The following TENM3 variants were observed in gnomAD, a reference collection of about 807,000 sequenced individuals.
TENM3 encodes the protein teneurin-3.
TENM3 carries 63 observed loss-of-function variants against 255.1 expected under a neutral mutation model. The observed-to-expected ratio is 0.25, with a 90% CI of 0.20 to 0.30. TENM3 has a LOEUF of 0.30. Among genes scored for constraint, TENM3 ranks in the 10% least tolerant of loss-of-function variants. TENM3 has a pLI of 1.00. For synonymous variants in TENM3, 1,306 were observed against 1,322.3 expected (o/e 0.99, Z 0.27); for missense variants, 2,929 against 3,461.1 (o/e 0.85, Z 3.86).
At chr4:181,645,296 C>T in the TENM3 span, among the ~76,000 whole-genome samples, 2 of 152,148 alleles carry the variant, frequency 1.3e-5, no homozygotes, top group East Asian at 1.9e-4. Flanking sequence ...GCTATCAGCC[C>T]GTTTCCCAGG....
At chr4:182,666,949 TA>T (rs1754745199) in intron 6 of TENM3, among the ~76,000 whole-genome samples, 1 of 152,060 alleles carries the variant, frequency 6.6e-6, no homozygotes, top group Non-Finnish European at 1.5e-5. Flanking sequence ...GACTGCAGTA[TA>T]GTGTAAACAT....
chr4:181,466,050 T>C, the TENM3 span, among the ~76,000 whole-genome samples: 1 of 152,080 alleles, frequency 6.6e-6, no homozygotes, highest in Non-Finnish European at 1.5e-5. Context: ...TTGGAATTCT[T>C]GACATCCACC....
the TENM3 span, among the ~76,000 whole-genome samples, chr4:181,860,346 G>A: frequency 6.6e-6 from 1 of 152,124 alleles, no homozygotes. Flanking sequence ...GAAGAGTAAA[G>A]CCAGACAGTA....
chr4:182,062,836 G>T, the TENM3 span, among the ~76,000 whole-genome samples: 1 of 152,202 alleles, frequency 6.6e-6, no homozygotes, highest in Non-Finnish European at 1.5e-5. Flanking sequence ...AAATTTGATT[G>T]TTAAACAGAC....
At chr4:182,010,139 C>T in the TENM3 span, among the ~76,000 whole-genome samples, 2 of 152,196 alleles carry the variant, frequency 1.3e-5, no homozygotes, top group African/African-American at 4.8e-5. Flanking sequence ...TTCTAGTCGG[C>T]CATCTTGGCC....
chr4:181,535,975 T>C, the TENM3 span, among the ~76,000 whole-genome samples: 2 of 152,162 alleles, frequency 1.3e-5, no homozygotes, highest in South Asian at 4.1e-4. Flanking sequence ...TTTAGCCACA[T>C]TTCCCTAATA....
At chr4:182,412,278 T>A (rs1004210117) in intron 3 of TENM3, among the ~76,000 whole-genome samples, 3 of 151,964 alleles carry the variant, frequency 2.0e-5, no homozygotes, top group Non-Finnish European at 4.4e-5. Context: ...AGCTTCAAGG[T>A]GCCAATACAA....
At chr4:181,732,498 G>T in the TENM3 span, among the ~76,000 whole-genome samples, 1 of 152,104 alleles carries the variant, frequency 6.6e-6, no homozygotes, top group African/African-American at 2.4e-5. Context: ...GGCCTAAGCA[G>T]CCATTATAAT....
rs545351769 is a variant in TENM3 at position 182,432,936 on chromosome 4, C to T, written c.511+86007C>T. Among the ~76,000 whole-genome samples the T allele has an allele frequency of 2.7e-5, 4 of 150,704 alleles. No homozygotes were observed. The South Asian group carries it at 8.5e-4, about 32-fold the overall frequency. On this transcript the variant is annotated intron_variant, in intron 3 of 27. Coordinates refer to ENST00000511685, the MANE Select transcript of TENM3 (RefSeq NM_001080477.4). ...TCCTGACCTCAGGTGATCTGCCTGC[C>T]TTGGCATCCCAAAGTGCTGGGATTA...
At chr4:181,916,326 T>G in the TENM3 span, among the ~76,000 whole-genome samples, 1 of 152,186 alleles carries the variant, frequency 6.6e-6, no homozygotes, top group Non-Finnish European at 1.5e-5. Context: ...CATTACTTGT[T>G]TAATGCCCAT....
rs72698076 is a variant in TENM3 at position 182,317,890 on chromosome 4, T to G, written c.-75-6056T>G. Among the ~76,000 whole-genome samples, 610 of 152,330 alleles carry G rather than the reference T, an allele frequency of 4.0e-3. 3 individuals are homozygous for G. Among genetic ancestry groups the G allele is most frequent in the Non-Finnish European group, 7.1e-3 (483 of 68,026 alleles). On this transcript the variant is annotated intron_variant, in intron 1 of 27. Coordinates refer to ENST00000511685, the MANE Select transcript of TENM3 (RefSeq NM_001080477.4). ...TTGAAATTCTTATGGTATGCAAAGTTGTATTTACTGTTCAATTGATATAAC... is the reference window on the plus strand; with the variant it reads ...TTGAAATTCTTATGGTATGCAAAGTGGTATTTACTGTTCAATTGATATAAC...
rs764502329 is a variant in TENM3, at chr4:182,754,619, A to G, written c.4252A>G (p.Ile1418Val). 5.2e-5 allele frequency: 84 copies of G among 1,613,908 alleles called. No homozygotes were observed. The highest frequency in any genetic ancestry group is 6.9e-5 in the Non-Finnish European group (81 of 1,179,900). ...IAVSYSGVLY[I>V]TETDEKKINR... ...TGTGTCCTACAGTGGGGTCCTGTACATTACTGAAACTGATGAGAAGAAAAT... is the reference window on the plus strand; with the variant it reads ...TGTGTCCTACAGTGGGGTCCTGTACGTTACTGAAACTGATGAGAAGAAAAT... Residue 1418 changes from isoleucine (I) to valine (V), a missense_variant, in exon 22 of 28, where the codon ATT (isoleucine) becomes GTT (valine). Ile to Val is a conservative substitution (Grantham distance 29). Transcript: ENST00000511685. This position sits in a 1 kb window ranked among gnomAD's most constrained non-coding sequence, Gnocchi z 5.1.
intron 12 of TENM3, among the ~76,000 whole-genome samples, chr4:182,692,698 T>C (rs1437925322): frequency 6.6e-6 from 1 of 152,234 alleles, no homozygotes; most frequent in East Asian, 1.9e-4. Context: ...AGAAAGCATA[T>C]TTAAATCCTG....
intron 23 of TENM3, among the ~76,000 whole-genome samples, chr4:182,774,443 G>A (rs1764515232): frequency 1.3e-5 from 2 of 152,038 alleles, no homozygotes; most frequent in South Asian, 2.1e-4. Context: ...AGTCAATTTC[G>A]GAGGGAACAT....
the TENM3 span, among the ~76,000 whole-genome samples, chr4:181,983,691 A>G: frequency 6.6e-6 from 1 of 152,106 alleles, no homozygotes; most frequent in South Asian, 2.1e-4. Flanking sequence ...CATATTTCCG[A>G]TGCAATCTAC....
chr4:182,547,207 CA>C (rs915166665), intron 3 of TENM3, among the ~76,000 whole-genome samples: 1 of 151,756 alleles, frequency 6.6e-6, no homozygotes, highest in African/African-American at 2.4e-5. Context: ...CAACTTAGTA[CA>C]AAAAAACACT....
intron 3 of TENM3, among the ~76,000 whole-genome samples, chr4:182,444,853 T>C (rs1772780914): frequency 6.6e-6 from 1 of 152,178 alleles, no homozygotes; most frequent in Non-Finnish European, 1.5e-5. Context: ...CAGGCTGGAA[T>C]GCAATGGCGC....
chr4:181,520,355 G>A, the TENM3 span, among the ~76,000 whole-genome samples: 1 of 152,078 alleles, frequency 6.6e-6, no homozygotes, highest in Non-Finnish European at 1.5e-5. Flanking sequence ...GAATATTTCT[G>A]TCCAGGAGAT....
At chr4:182,707,985 A>G (rs1044235657) in intron 12 of TENM3, 1 of 146,786 alleles carries the variant, frequency 6.8e-6, no homozygotes, top group African/African-American at 2.6e-5. Flanking sequence ...GGGGGAAAAA[A>G]CACCTTTTTT....
Sources: gnomAD v4.1 joint callset for allele counts (sites outside exome capture counted in the v4.1 genomes callset) on GRCh38, gnomAD v4.1.1 for gene constraint, Gnocchi (gnomAD v3.1) non-coding constraint, MANE v1.5 for transcripts, NCBI Gene and HGNC (gene_info 2026-07-23, HGNC 2026-07-21) for gene names.